RICTOR: variants seen among roughly 807,000 people sequenced by gnomAD.
RICTOR encodes the protein RPTOR independent companion of MTOR complex 2.
RICTOR carries 49 observed loss-of-function variants against 214.9 expected under a neutral mutation model. That is an observed-to-expected ratio of 0.23 (90% CI 0.18 to 0.29). RICTOR has a LOEUF of 0.29. RICTOR is among the 10% of genes least tolerant of loss of function. The pLI is 1.00. For missense variants in RICTOR, 1,625 were observed against 2,047.0 expected (o/e 0.79, Z 3.98); for synonymous variants, 717 against 711.3 (o/e 1.01, Z -0.13).
intron 10 of RICTOR, among the ~76,000 whole-genome samples, chr5:38,972,217 G>A (rs971266006): frequency 6.6e-6 from 1 of 152,178 alleles, no homozygotes; most frequent in Non-Finnish European, 1.5e-5. Flanking sequence ...GAAAGTTCAT[G>A]AGTCTGACTG....
At chr5:39,033,346 C>A (rs1430778466) in intron 2 of RICTOR, among the ~76,000 whole-genome samples, 1 of 151,982 alleles carries the variant, frequency 6.6e-6, no homozygotes, top group African/African-American at 2.4e-5. Context: ...TCACTGCAAC[C>A]TCTGCCTCCT....
At chr5:39,048,992 A>G (rs1233918025) in intron 2 of RICTOR, among the ~76,000 whole-genome samples, 2 of 152,154 alleles carry the variant, frequency 1.3e-5, no homozygotes, top group Non-Finnish European at 2.9e-5. Context: ...AACAAAACAA[A>G]CAAGAGAGAC....
At position 38,952,239 on chromosome 5, in the gene RICTOR, T is replaced by A. The variant is rs1748853646; in HGVS notation, c.3084A>T (p.Ser1028=). 1.4e-5 allele frequency: 22 copies of A among 1,612,646 alleles called. No homozygotes were observed. The highest frequency in any genetic ancestry group is 1.7e-4 in the Middle Eastern group (1 of 6,054). The change falls in exon 30 of 38, where the codon TCA becomes TCT. Residue 1028 remains serine (S), a synonymous_variant. Transcript: ENST00000357387. ...IPSTLSLNSE[S]TSSRHNSESE... is the part of the protein sequence containing the mutation. ...TTTCACTATTATGTCTAGAGCTGGT[T>A]GACTCCGAGTTCAAACTTAGAGTGC...
intron 2 of RICTOR, among the ~76,000 whole-genome samples, chr5:39,021,485 G>T (rs1040770345): frequency 6.6e-6 from 1 of 152,160 alleles, no homozygotes; most frequent in Non-Finnish European, 1.5e-5. Flanking sequence ...AGGTGATTAG[G>T]TTATGAAGGC....
rs766428696 is a variant in RICTOR, at chr5:38,981,852, T to C, written c.753+15A>G. ...ATAATATTTTAAAACTAGAAAAGAA[T>C]ATTAAAGTTCCTACCTCTAATTCTA... On this transcript the variant is annotated intron_variant, in intron 8 of 37. Transcript: ENST00000357387. 5.8e-6 allele frequency: 9 copies of C among 1,563,742 alleles called. No homozygotes were observed. The South Asian group carries it at 1.0e-4, about 18-fold the overall frequency.
intron 31 of RICTOR, among the ~76,000 whole-genome samples, chr5:38,947,940 C>T (rs1460294382): frequency 6.6e-6 from 1 of 152,052 alleles, no homozygotes; most frequent in Non-Finnish European, 1.5e-5. Flanking sequence ...ATTTATGTAG[C>T]ACACAAGACA....
At chr5:38,990,742 T>TCTGATATATATCAG (rs1442881326) in intron 7 of RICTOR, among the ~76,000 whole-genome samples, 3 of 115,042 alleles carry the variant, frequency 2.6e-5, no homozygotes, top group African/African-American at 9.5e-5. Context: ...ATATGATATA[T>TCTGATATATATCAG]ATGAGATATA....
At chr5:39,002,161 T>C (rs1326407902) in intron 5 of RICTOR, among the ~76,000 whole-genome samples, 2 of 92,084 alleles carry the variant, frequency 2.2e-5, no homozygotes, top group African/African-American at 7.9e-5. Context: ...AAATGAAATG[T>C]TACACAGCAA....
chr5:39,047,340 G>A (rs1015823653), intron 2 of RICTOR, among the ~76,000 whole-genome samples: 14 of 152,142 alleles, frequency 9.2e-5, no homozygotes, highest in African/African-American at 3.4e-4. Flanking sequence ...TCCCTCGCAT[G>A]TGCAGTTCAC....
chr5:38,965,314 T>G (rs1027211856), intron 15 of RICTOR, among the ~76,000 whole-genome samples: 1 of 152,006 alleles, frequency 6.6e-6, no homozygotes, highest in Non-Finnish European at 1.5e-5. Flanking sequence ...AAAACTACTT[T>G]CTCAAAATAG....
In RICTOR at chr5:38,964,967, T is replaced by C; in HGVS notation, c.1300-75A>G. On this transcript the variant is annotated intron_variant, in intron 15 of 37. Transcript: ENST00000357387. ...TTATGTCACAGATTACCTGCACATA[T>C]AATGCTGTATTCAAGACTATTACAA... is the stretch of plus-strand genomic sequence containing the variant. 3 of 825,040 alleles carry C rather than the reference T, an allele frequency of 3.6e-6. No individual in the cohort carries two copies. In the South Asian group the frequency reaches 4.8e-5, roughly 13 times the overall value. The allele number at this position is 825,040 out of a possible 1,614,324, so 51.1% of individuals were successfully genotyped here. A position where few individuals can be genotyped will look rare whatever the true frequency, so the allele number is the denominator to read the frequency against.
rs1240845221 is a variant in RICTOR at position 38,944,910 on chromosome 5, C to T, written c.4789+3G>A. 2 of 1,612,928 alleles carry T rather than the reference C, an allele frequency of 1.2e-6. No homozygotes were observed. The highest frequency in any genetic ancestry group is 4.5e-5 in the East Asian group (2 of 44,848). On this transcript the variant is annotated splice_donor_region_variant and intron_variant, in intron 35 of 37. Coordinates refer to ENST00000357387, the MANE Select transcript of RICTOR (RefSeq NM_152756.5). ...ATGATTGGATTTGAATCTGAAGACTCACCTAGTAACAATTCTGTGCTTTTG... is the reference window on the plus strand; with the variant it reads ...ATGATTGGATTTGAATCTGAAGACTTACCTAGTAACAATTCTGTGCTTTTG...
intron 3 of RICTOR, among the ~76,000 whole-genome samples, chr5:39,011,562 C>A (rs1452362344): frequency 6.6e-6 from 1 of 152,106 alleles, no homozygotes; most frequent in African/African-American, 2.4e-5. Context: ...AATTCCAGCC[C>A]ATGAAAGCAG....
At chr5:38,948,954 T>C (rs1748459695) in intron 31 of RICTOR, among the ~76,000 whole-genome samples, 1 of 152,198 alleles carries the variant, frequency 6.6e-6, no homozygotes, top group Admixed American at 6.6e-5. Context: ...GAGTGCTTAA[T>C]ATGTGCTAAA....
chr5:38,988,622 C>T (rs1449949463), intron 7 of RICTOR, among the ~76,000 whole-genome samples: 2 of 152,012 alleles, frequency 1.3e-5, no homozygotes, highest in Non-Finnish European at 2.9e-5. Context: ...AAAACCCCAT[C>T]GTCTCAGTGC....
At chr5:39,037,105 A>G (rs1319117078) in intron 2 of RICTOR, among the ~76,000 whole-genome samples, 1 of 152,236 alleles carries the variant, frequency 6.6e-6, no homozygotes, top group Non-Finnish European at 1.5e-5. Flanking sequence ...GACAGAAATT[A>G]TAACAAACTG....
intron 2 of RICTOR, among the ~76,000 whole-genome samples, chr5:39,059,926 G>A (rs1426409788): frequency 1.3e-5 from 2 of 152,056 alleles, no homozygotes; most frequent in African/African-American, 4.8e-5. Flanking sequence ...GCTCAGAAAA[G>A]GCAACTTGTC....
chr5:38,939,342 T>C lies in RICTOR; in HGVS notation c.*2962A>G, dbSNP rs529087884. 4.3e-6 allele frequency: 1 copy of C among 232,406 alleles called. No homozygotes were observed. Among genetic ancestry groups the C allele is most frequent in the South Asian group, 1.8e-4 (1 of 5,520 alleles). 14.4% of individuals were successfully genotyped at this position (232,406 alleles called of 1,614,324 possible). A position where few individuals can be genotyped will look rare whatever the true frequency, so the allele number is the denominator to read the frequency against. On this transcript the variant is annotated 3_prime_UTR_variant, in exon 38 of 38. Coordinates refer to ENST00000357387, the MANE Select transcript of RICTOR (RefSeq NM_152756.5). ...TCATTTCAAAAGGACTTGTACACAT[T>C]ATGTTAATAATGTATATACTTCCAA... is the stretch of plus-strand genomic sequence containing the variant.
In RICTOR at chr5:38,946,549, T is replaced by G. The variant is rs759130118; in HGVS notation, c.4318A>C (p.Lys1440Gln). The G allele has an allele frequency of 1.3e-6, 2 of 1,591,606 alleles. No individual in the cohort carries two copies. The highest frequency in any genetic ancestry group is 2.2e-5 in the South Asian group (2 of 90,562). Residue 1440 changes from lysine to glutamine, a missense_variant, in exon 33 of 38, where the codon AAG (lysine) becomes CAG (glutamine). Coordinates refer to ENST00000357387, the MANE Select transcript of RICTOR (RefSeq NM_152756.5). ...TTTGTCTGAAAATAGGGAATATCCTTTACCTAAAAAAAGATATAAACCATG... is the reference window on the plus strand; with the variant it reads ...TTTGTCTGAAAATAGGGAATATCCTGTACCTAAAAAAAGATATAAACCATG... The part of the protein sequence containing the change: ...PVDINDIFQV[K>Q]DIPYFQTKNI...
Sources: gnomAD v4.1 joint callset for allele counts (sites outside exome capture counted in the v4.1 genomes callset) on GRCh38, gnomAD v4.1.1 for gene constraint, MANE v1.5 for transcripts, NCBI Gene and HGNC (gene_info 2026-07-23, HGNC 2026-07-21) for gene names.